Variants in SPOCK3 observed in about 807,000 individuals in gnomAD.
The protein encoded by SPOCK3 is testican-3.
A neutral mutation model predicts 56.6 loss-of-function variants in SPOCK3; 30 were observed. The observed-to-expected ratio is 0.53, with a 90% CI of 0.40 to 0.72. The LOEUF (loss-of-function observed/expected upper bound fraction) is 0.72, where lower values mean the gene tolerates loss of function less well. SPOCK3 is among the 30% of genes least tolerant of loss of function. SPOCK3 has a pLI of 0.00. For missense variants in SPOCK3, 527 were observed against 530.0 expected, an observed-to-expected ratio of 0.99 and a Z score of 0.06; for synonymous variants, 196 against 183.3, an observed-to-expected ratio of 1.07 and a Z score of -0.56.
chr4:167,226,717 G>C (rs912246019), intron 2 of SPOCK3, among the ~76,000 whole-genome samples: 1 of 151,994 alleles, frequency 6.6e-6, no homozygotes. Context: ...GTGAATTCTA[G>C]GACAAGGTGA....
chr4:166,886,273 T>C (rs1297297997), intron 6 of SPOCK3, among the ~76,000 whole-genome samples: 2 of 152,050 alleles, frequency 1.3e-5, no homozygotes. Flanking sequence ...TTATTTGCAA[T>C]TGAACAGTAC....
At chr4:167,092,842 AC>A (rs1457927635) in intron 2 of SPOCK3, among the ~76,000 whole-genome samples, 2 of 151,632 alleles carry the variant, frequency 1.3e-5, no homozygotes, top group African/African-American at 4.9e-5. Flanking sequence ...ACACTCACCA[AC>A]TCTGAAAATT....
At chr4:167,147,809 G>A (rs534614850) in intron 2 of SPOCK3, among the ~76,000 whole-genome samples, 55 of 152,034 alleles carry the variant, frequency 3.6e-4, no homozygotes, top group Non-Finnish European at 6.8e-4. Context: ...GGGCCCGTCC[G>A]GAGGGTGGGG....
At chr4:167,158,552 A>C (rs1428066083) in intron 2 of SPOCK3, among the ~76,000 whole-genome samples, 1 of 152,012 alleles carries the variant, frequency 6.6e-6, no homozygotes, top group African/African-American at 2.4e-5. Context: ...CATTCTCTCT[A>C]GAACCAAGTA....
intron 2 of SPOCK3, among the ~76,000 whole-genome samples, chr4:167,187,112 G>A (rs972004320): frequency 2.6e-5 from 4 of 151,996 alleles, no homozygotes; most frequent in African/African-American, 9.7e-5. Flanking sequence ...GAGTTGCAAG[G>A]ATCATATTCC....
intron 4 of SPOCK3, among the ~76,000 whole-genome samples, chr4:166,998,481 A>G (rs1748619111): frequency 6.6e-6 from 1 of 152,114 alleles, no homozygotes; most frequent in African/African-American, 2.4e-5. Flanking sequence ...CATAGTGGTA[A>G]AAAGCTTAGA....
chr4:166,789,780 T>A lies in SPOCK3; in HGVS notation c.709+2390A>T, dbSNP rs142668181. Among the ~76,000 whole-genome samples the A allele has an allele frequency of 3.7e-3, 556 of 152,318 alleles. 3 individuals carry two copies. Among genetic ancestry groups the A allele is most frequent in the African/African-American group, 0.012 (517 of 41,576 alleles). ...GGAAAAGTTAAAATGAATGGTAATA[T>A]TTTTTGCTATTAGGGATGCAGGGAA... On this transcript the variant is annotated intron_variant, in intron 7 of 10. Coordinates refer to ENST00000357545, the MANE Select transcript of SPOCK3 (RefSeq NM_001040159.2).
At chr4:167,105,293 C>T (rs1020975452) in intron 2 of SPOCK3, among the ~76,000 whole-genome samples, 2 of 151,416 alleles carry the variant, frequency 1.3e-5, no homozygotes, top group Admixed American at 6.6e-5. Flanking sequence ...AAATTTTAAA[C>T]AGTGGAGGAA....
intron 6 of SPOCK3, among the ~76,000 whole-genome samples, chr4:166,867,990 T>C (rs989773652): frequency 6.6e-6 from 1 of 152,038 alleles, no homozygotes; most frequent in Non-Finnish European, 1.5e-5. Context: ...AAGAAATAAA[T>C]GGCATTATTT....
At chr4:167,142,349 T>A (rs922467934) in intron 2 of SPOCK3, among the ~76,000 whole-genome samples, 16 of 151,854 alleles carry the variant, frequency 1.1e-4, no homozygotes, top group African/African-American at 3.6e-4. Flanking sequence ...TAAGATTCAA[T>A]CAGCAGGCAT....
chr4:166,798,927 T>C (rs1336233420), intron 6 of SPOCK3, among the ~76,000 whole-genome samples: 1 of 152,144 alleles, frequency 6.6e-6, no homozygotes, highest in African/African-American at 2.4e-5. Context: ...AATACTTGCA[T>C]GAGCAAATCT....
At chr4:167,074,648 G>T (rs1216661687) in intron 2 of SPOCK3, among the ~76,000 whole-genome samples, 1 of 151,896 alleles carries the variant, frequency 6.6e-6, no homozygotes, top group African/African-American at 2.4e-5. Context: ...TTTTGGAGAA[G>T]TGAGTCACTA....
chr4:166,810,810 T>C (rs990295496), intron 6 of SPOCK3, among the ~76,000 whole-genome samples: 8 of 151,956 alleles, frequency 5.3e-5, no homozygotes, highest in African/African-American at 1.7e-4. Flanking sequence ...TAAAATAAAC[T>C]GGAGTGTGCC....
At chr4:167,143,429 C>A (rs1382202691) in intron 2 of SPOCK3, among the ~76,000 whole-genome samples, 6 of 151,914 alleles carry the variant, frequency 3.9e-5, no homozygotes, top group Non-Finnish European at 8.8e-5. Context: ...TTAAATAATA[C>A]AAAAGTTAAG....
chr4:166,897,713 C>T (rs1343853976), intron 5 of SPOCK3, among the ~76,000 whole-genome samples: 1 of 152,144 alleles, frequency 6.6e-6, no homozygotes, highest in East Asian at 1.9e-4. Flanking sequence ...ATAAAATTTT[C>T]AGACCCTTCA....
At chr4:167,112,469 A>G (rs1236516416) in intron 2 of SPOCK3, among the ~76,000 whole-genome samples, 2 of 152,064 alleles carry the variant, frequency 1.3e-5, no homozygotes, top group Non-Finnish European at 2.9e-5. Context: ...GAAAGAAACA[A>G]TGGGTTCACT....
At chr4:166,974,264 C>T (rs1187219859) in intron 4 of SPOCK3, among the ~76,000 whole-genome samples, 1 of 152,050 alleles carries the variant, frequency 6.6e-6, no homozygotes, top group Non-Finnish European at 1.5e-5. Context: ...CCACCAATGT[C>T]TACCTTTTGG....
intron 5 of SPOCK3, among the ~76,000 whole-genome samples, chr4:166,896,403 C>G (rs1460653658): frequency 1.3e-5 from 2 of 152,078 alleles, no homozygotes; most frequent in African/African-American, 4.8e-5. Flanking sequence ...GTAGAAGGAC[C>G]CATCCTCTCT....
At chr4:166,774,301 T>A (rs993239972) in intron 7 of SPOCK3, among the ~76,000 whole-genome samples, 1 of 152,172 alleles carries the variant, frequency 6.6e-6, no homozygotes, top group African/African-American at 2.4e-5. Flanking sequence ...TTGATAACTG[T>A]CTTAGGAAGA....
Sources: gnomAD v4.1 joint callset for allele counts (sites outside exome capture counted in the v4.1 genomes callset) on GRCh38, gnomAD v4.1.1 for gene constraint, MANE v1.5 for transcripts, NCBI Gene and HGNC (gene_info 2026-07-23, HGNC 2026-07-21) for gene names.